Variants in CDH26 observed in about 807,000 individuals in gnomAD.
CDH26 encodes cadherin-like protein 26.
In CDH26, 83 loss-of-function variants were observed where a neutral mutation model predicts 90.3. That is an observed-to-expected ratio of 0.92 (90% CI 0.77 to 1.10). The LOEUF (loss-of-function observed/expected upper bound fraction) is 1.10, where lower values mean the gene tolerates loss of function less well. CDH26 is among the 50% of genes least tolerant of loss of function. CDH26 has a pLI of 0.00. For missense variants in CDH26, 1,013 were observed against 1,037.6 expected, an observed-to-expected ratio of 0.98 and a Z score of 0.33; for synonymous variants, 397 against 396.3, an observed-to-expected ratio of 1.00 and a Z score of -0.02.
chr20:59,972,397 C>T (rs2061273843), intron 4 of CDH26, among the ~76,000 whole-genome samples: 1 of 152,102 alleles, frequency 6.6e-6, no homozygotes, highest in Non-Finnish European at 1.5e-5. Flanking sequence ...TATCAGAAAG[C>T]ATTTGGGTAT....
Position 59,993,484 on chromosome 20 carries a change from G to A in CDH26, c.1427-766G>A, listed in dbSNP as rs2061552447. Among the ~76,000 whole-genome samples the A allele has an allele frequency of 2.0e-5, 3 of 152,224 alleles. No individual in the cohort carries two copies. In the South Asian group the frequency reaches 6.2e-4, roughly 32 times the overall value. ...CATGCCTTTGTGTATCCATAGCTTAGCTCCCACTTATAAGTGAGAACATAC... is the reference window on the plus strand; with the variant it reads ...CATGCCTTTGTGTATCCATAGCTTAACTCCCACTTATAAGTGAGAACATAC... On this transcript the variant is annotated intron_variant, in intron 10 of 17. Coordinates refer to ENST00000348616, the MANE Select transcript of CDH26 (RefSeq NM_177980.4).
At chr20:59,967,719 CTCTTTCTT>C (rs144930327) in intron 1 of CDH26, among the ~76,000 whole-genome samples, 1 of 150,092 alleles carries the variant, frequency 6.7e-6, no homozygotes, top group African/African-American at 2.5e-5. Context: ...ACCATTCTCT[CTCTTTCTT>C]TCTTTCTTTC....
chr20:60,030,686 C>A lies in CDH26; in HGVS notation c.948-545C>A, dbSNP rs1320232788. Among the ~76,000 whole-genome samples, 4 of 152,152 alleles carry A rather than the reference C, an allele frequency of 2.6e-5. No homozygotes were observed. The highest frequency in any genetic ancestry group is 4.4e-5 in the Non-Finnish European group (3 of 68,038). ...GAGGCTGTAAGTGCAGGGGCAGTTG[C>A]AGCAACCTTGAGAACATGAGGGGAA... On this transcript the variant is annotated intron_variant, in intron 7 of 8. Coordinates refer to the CDH26 transcript ENST00000370991. The surrounding 1 kb of genome is among the most constrained non-coding windows in gnomAD (Gnocchi z 4.0).
intron 7 of CDH26, among the ~76,000 whole-genome samples, chr20:60,021,895 C>T (rs1369831333): frequency 0.055 from 4,370 of 79,402 alleles, 319 homozygotes; most frequent in African/African-American, 0.14. Context: ...CACACACACA[C>T]ACATATATAT....
Position 60,023,566 on chromosome 20 carries a change from TA to T in CDH26, c.948-7653del, listed in dbSNP as rs554004527. Reference sequence around the variant, plus strand: ...AAATGGCAGGAGAAATTTATAATGTTAAAAAAAAAAAAGCATTAGCTGCTTA... The same window carrying T: ...AAATGGCAGGAGAAATTTATAATGTTAAAAAAAAAAAGCATTAGCTGCTTA... On this transcript the variant is annotated intron_variant, in intron 7 of 8. Transcript: ENST00000370991. 8.6e-3 allele frequency among the ~76,000 whole-genome samples: 1,220 copies of T among 142,570 alleles called. 3 individuals are homozygous for T. The highest frequency in any genetic ancestry group is 0.023 in the South Asian group (103 of 4,506). 93.5% of individuals were successfully genotyped at this position (142,570 alleles called of 152,430 possible).
intron 7 of CDH26, among the ~76,000 whole-genome samples, chr20:60,029,510 C>CT (rs2062024564): frequency 6.6e-6 from 1 of 151,994 alleles, no homozygotes; most frequent in Non-Finnish European, 1.5e-5. Flanking sequence ...GATACATGTG[C>CT]AGAAGGTGCA....
At chr20:59,994,547 A>G in intron 11 of CDH26, 58 bp downstream of exon 11, 2 of 1,595,086 alleles carry the variant, frequency 1.3e-6, no homozygotes, top group Non-Finnish European at 1.7e-6. Context: ...TCCAATTCAA[A>G]CAGATTTAGG....
intron 9 of CDH26, among the ~76,000 whole-genome samples, chr20:59,991,027 G>A (rs1007913828): frequency 5.3e-5 from 8 of 152,020 alleles, no homozygotes; most frequent in South Asian, 2.1e-4. Context: ...ATGCTGCCAC[G>A]TCTGGCTAAT....
At chr20:59,961,841 A>C (rs1364786408) in intron 1 of CDH26, among the ~76,000 whole-genome samples, 2 of 152,072 alleles carry the variant, frequency 1.3e-5, no homozygotes, top group Non-Finnish European at 2.9e-5. Context: ...ATATGTCCTC[A>C]CCTTGGGGCT....
chr20:59,971,939 C>T (rs768264271), intron 3 of CDH26, 23 bp from the exon 4 acceptor site: 27 of 1,586,998 alleles, frequency 1.7e-5, no homozygotes, highest in Admixed American at 1.4e-4. Context: ...CTTTTTTCTT[C>T]TTTCCATTTT....
chr20:60,021,865 C>CACACACACACACACACACACACACACAT (rs2061956211), intron 7 of CDH26, among the ~76,000 whole-genome samples: 2 of 75,818 alleles, frequency 2.6e-5, no homozygotes, highest in African/African-American at 8.9e-5. Context: ...CACACACACA[C>CACACACACACACACACACACACACACAT]ACACACACAC....
In CDH26 at chr20:59,968,003, CTTTCTTTCTTCCTTT is replaced by C. The variant is rs1569024959; in HGVS notation, c.70-963_70-949del. On this transcript the variant is annotated intron_variant, in intron 1 of 17. Transcript: ENST00000348616. ...TCTTTCTTTCTTTCTTTCTTTCTTTCTTTCTTTCTTCCTTTCTCTCTGTCTCTCTCTCTCTCTCTC... is the reference window on the plus strand; with the variant it reads ...TCTTTCTTTCTTTCTTTCTTTCTTTCCTCTCTGTCTCTCTCTCTCTCTCTC... 1.5e-4 allele frequency among the ~76,000 whole-genome samples: 18 copies of C among 119,310 alleles called. No individual in the cohort carries two copies. The East Asian group carries it at 2.4e-3, about 16-fold the overall frequency. 78.3% of individuals were successfully genotyped at this position (119,310 alleles called of 152,430 possible).
intron 7 of CDH26, among the ~76,000 whole-genome samples, chr20:60,022,792 C>G (rs982183780): frequency 6.6e-6 from 1 of 152,190 alleles, no homozygotes; most frequent in African/African-American, 2.4e-5. Context: ...ATAAAGAATT[C>G]TGGAGCCATG....
chr20:59,969,161 C>G, intron 2 of CDH26, 138 bp downstream of exon 2: 1 of 572,324 alleles, frequency 1.7e-6, no homozygotes, highest in Non-Finnish European at 3.2e-6. Context: ...TTCATGTGGC[C>G]TTTTAGAATC....
At chr20:60,033,130 A>C (rs1167173415) in intron 8 of CDH26, among the ~76,000 whole-genome samples, 1 of 152,238 alleles carries the variant, frequency 6.6e-6, no homozygotes, top group Admixed American at 6.5e-5. Flanking sequence ...GCTTAACACC[A>C]GCTCTATTAT....
chr20:59,958,745 A>G lies in CDH26; in HGVS notation c.19A>G (p.Arg7Gly). ...TTCCCATATGGCCATGAGATCCGGGAGGCACCCCTCGCTGCTGCTGCTTCT... is the reference window on the plus strand; with the variant it reads ...TTCCCATATGGCCATGAGATCCGGGGGGCACCCCTCGCTGCTGCTGCTTCT... Reference protein sequence around the residue: MAMRSGRHPSLLLLLVL... With the variant: MAMRSGGHPSLLLLLVL... Residue 7 changes from arginine to glycine, a missense_variant, in exon 1 of 18, where the codon AGG becomes GGG. Coordinates refer to ENST00000348616, the MANE Select transcript of CDH26 (RefSeq NM_177980.4). 1.2e-6 allele frequency: 2 copies of G among 1,614,138 alleles called. No homozygotes were observed. Among genetic ancestry groups the G allele is most frequent in the Non-Finnish European group, 1.7e-6 (2 of 1,180,016 alleles).
chr20:59,974,756 C>T (rs1260398651), intron 4 of CDH26, among the ~76,000 whole-genome samples: 1 of 152,170 alleles, frequency 6.6e-6, no homozygotes, highest in African/African-American at 2.4e-5. Flanking sequence ...AGGAAAGATA[C>T]AGGGTGGGGA....
rs766766949 is a variant in CDH26, at chr20:59,996,628, C to T, written c.1889-3C>T. Reference sequence around the variant, plus strand: ...TCTGTTTTTCCCCTTTGTCTTATAACAGTGGCTCTGCTTTTTCTGTTGCGA... The same window carrying T: ...TCTGTTTTTCCCCTTTGTCTTATAATAGTGGCTCTGCTTTTTCTGTTGCGA... On this transcript the variant is annotated splice_region_variant and splice_polypyrimidine_tract_variant and intron_variant, in intron 12 of 17. Coordinates refer to ENST00000348616, the MANE Select transcript of CDH26 (RefSeq NM_177980.4). 1.1e-5 allele frequency: 17 copies of T among 1,614,210 alleles called. No homozygotes were observed. Among genetic ancestry groups the T allele is most frequent in the Non-Finnish European group, 1.4e-5 (17 of 1,180,038 alleles).
At chr20:60,006,012 C>T (rs997223834) in intron 16 of CDH26, among the ~76,000 whole-genome samples, 1 of 152,194 alleles carries the variant, frequency 6.6e-6, no homozygotes, top group African/African-American at 2.4e-5. Context: ...CAACTTCCTC[C>T]TCCTGAGAAC....
Sources: allele counts gnomAD v4.1 joint callset (sites outside exome capture counted in the v4.1 genomes callset), GRCh38; gene constraint gnomAD v4.1.1; non-coding constraint Gnocchi (gnomAD v3.1); transcripts MANE v1.5; gene names NCBI Gene and HGNC (gene_info 2026-07-23, HGNC 2026-07-21).